TBCK: variants seen among roughly 807,000 people sequenced by gnomAD.
TBCK encodes the protein TBC1 domain containing kinase.
TBCK carries 99 observed loss-of-function variants against 113.4 expected under a neutral mutation model. The observed-to-expected ratio is 0.87, with a 90% CI of 0.74 to 1.03. The LOEUF (loss-of-function observed/expected upper bound fraction) is 1.03, where lower values mean the gene tolerates loss of function less well. Among genes scored for constraint, TBCK ranks in the 50% least tolerant of loss-of-function variants. The probability of loss-of-function intolerance (pLI) is 0.00; values close to 1 mark genes in which losing one functional copy is unlikely to be tolerated. For synonymous variants in TBCK, 369 were observed against 370.8 expected (o/e 1.00, Z 0.05); for missense variants, 1,045 against 1,061.3 (o/e 0.98, Z 0.21).
At chr4:106,260,647 TGTA>T (rs1211492683) in intron 4 of TBCK, 137 bp from the exon 5 acceptor site, 1 of 366,458 alleles carries the variant, frequency 2.7e-6, no homozygotes, top group Non-Finnish European at 4.9e-6. Context: ...AAAATGCCAC[TGTA>T]GATTTTAAAA....
chr4:106,127,206 C>CAAAAAAAAAAAAA, intron 23 of TBCK, among the ~76,000 whole-genome samples: 1 of 65,500 alleles, frequency 1.5e-5, no homozygotes, highest in Non-Finnish European at 3.1e-5. Context: ...GACTCCGTCT[C>CAAAAAAAAAAAAA]AAAAAAAAAA....
At chr4:106,210,087 C>A (rs558130417) in intron 20 of TBCK, among the ~76,000 whole-genome samples, 1 of 152,106 alleles carries the variant, frequency 6.6e-6, no homozygotes, top group South Asian at 2.1e-4. Flanking sequence ...ATTTACTGTC[C>A]TTTGTTCTAG....
intron 23 of TBCK, among the ~76,000 whole-genome samples, chr4:106,151,362 C>T (rs796473722): frequency 4.6e-5 from 7 of 152,152 alleles, no homozygotes; most frequent in African/African-American, 1.4e-4. Context: ...CCCACCCCCA[C>T]TACCCTTCCC....
At chr4:106,219,586 G>A (rs891172152) in intron 19 of TBCK, among the ~76,000 whole-genome samples, 3 of 151,728 alleles carry the variant, frequency 2.0e-5, no homozygotes, top group Admixed American at 6.6e-5. Context: ...ATTCTTGCCA[G>A]TTTACTCACT....
intron 3 of TBCK, among the ~76,000 whole-genome samples, chr4:106,282,579 C>A (rs1764712784): frequency 6.6e-6 from 1 of 151,924 alleles, no homozygotes; most frequent in South Asian, 2.1e-4. Flanking sequence ...CTGTATTCCA[C>A]AGGTTTTGGT....
intron 19 of TBCK, among the ~76,000 whole-genome samples, chr4:106,222,052 C>A (rs926834591): frequency 2.0e-5 from 3 of 151,962 alleles, no homozygotes; most frequent in Non-Finnish European, 4.4e-5. Flanking sequence ...GTTTTCTAAC[C>A]TACACATGAC....
rs565984017 is a variant in TBCK, at chr4:106,208,362, T to TA, written c.1860+4387_1860+4388insT. Among the ~76,000 whole-genome samples, 446 of 152,002 alleles carry TA rather than the reference T, an allele frequency of 2.9e-3. 1 individual carries two copies. Among genetic ancestry groups the TA allele is most frequent in the Admixed American group, 5.6e-3 (86 of 15,270 alleles). On this transcript the variant is annotated intron_variant, in intron 20 of 25. Coordinates refer to ENST00000394708, the MANE Select transcript of TBCK (RefSeq NM_001163435.3). ...TCACCTATTTTACATATACCTACCCTTCCCTAATTAGTTTTTTACACTGTT... is the reference window on the plus strand; with the variant it reads ...TCACCTATTTTACATATACCTACCCTATCCCTAATTAGTTTTTTACACTGTT...
In TBCK at chr4:106,193,600, G is replaced by C. The variant is rs1472909080; in HGVS notation, c.2059+9C>G. On this transcript the variant is annotated intron_variant, in intron 22 of 25. Coordinates refer to ENST00000394708, the MANE Select transcript of TBCK (RefSeq NM_001163435.3). ...TTCATTTAATGGCTCCATTTATTTAGATCTATACCTGGTAAATCGGAGAAG... is the reference window on the plus strand; with the variant it reads ...TTCATTTAATGGCTCCATTTATTTACATCTATACCTGGTAAATCGGAGAAG... 1 of 1,612,580 alleles carries C rather than the reference G, an allele frequency of 6.2e-7. No individual in the cohort carries two copies. Among genetic ancestry groups the C allele is most frequent in the Non-Finnish European group, 8.5e-7 (1 of 1,179,132 alleles).
At position 106,043,054 on chromosome 4, in the gene TBCK, T is replaced by C. The variant is rs952443244; in HGVS notation, c.*3516A>G. On this transcript the variant is annotated 3_prime_UTR_variant, in exon 26 of 26. Coordinates refer to ENST00000394708, the MANE Select transcript of TBCK (RefSeq NM_001163435.3). ...CTATTCCTATATGTATTCCAAAACC[T>C]GAGTTCTTGGGGCTTATATTGATAC... 7 of 152,190 alleles carry C rather than the reference T, an allele frequency of 4.6e-5. No individual in the cohort carries two copies. Among genetic ancestry groups the C allele is most frequent in the African/African-American group, 1.4e-4 (6 of 41,448 alleles). The allele number at this position is 152,190 out of a possible 1,614,324, so 9.4% of individuals were successfully genotyped here. A position where few individuals can be genotyped will look rare whatever the true frequency, so the allele number is the denominator to read the frequency against.
chr4:106,176,275 C>T (rs527355498), intron 22 of TBCK, among the ~76,000 whole-genome samples: 8 of 152,128 alleles, frequency 5.3e-5, no homozygotes, highest in African/African-American at 9.6e-5. Flanking sequence ...CTTATTCCTT[C>T]GGTCTAACTG....
At chr4:106,257,222 T>G (rs147918461) in intron 5 of TBCK, among the ~76,000 whole-genome samples, 229 of 152,322 alleles carry the variant, frequency 1.5e-3, no homozygotes, top group African/African-American at 5.4e-3. Flanking sequence ...TTTGCCATAC[T>G]TATTACATAT....
intron 23 of TBCK, among the ~76,000 whole-genome samples, chr4:106,126,803 T>C (rs548261942): frequency 5.9e-5 from 9 of 152,294 alleles, no homozygotes; most frequent in Admixed American, 2.0e-4. Flanking sequence ...AACACTAAAA[T>C]GTATGTCTGC....
intron 25 of TBCK, among the ~76,000 whole-genome samples, chr4:106,088,649 A>G (rs1284119235): frequency 1.3e-5 from 2 of 152,224 alleles, no homozygotes; most frequent in Non-Finnish European, 2.9e-5. Context: ...ATACTCATGT[A>G]TATTTATTGC....
chr4:106,153,044 T>C (rs1391879876), intron 23 of TBCK, among the ~76,000 whole-genome samples: 1 of 152,068 alleles, frequency 6.6e-6, no homozygotes, highest in African/African-American at 2.4e-5. Context: ...TCTTCTGTAC[T>C]GTTTTCTTCA....
At chr4:106,281,625 G>C (rs766338508) in intron 3 of TBCK, among the ~76,000 whole-genome samples, 35 of 152,178 alleles carry the variant, frequency 2.3e-4, no homozygotes, top group Middle Eastern at 3.4e-3. Flanking sequence ...CACCATGAAG[G>C]GTTGTGGAAT....
Position 106,041,960 on chromosome 4 carries a change from T to C in TBCK, c.*4610A>G, listed in dbSNP as rs1341497668. On this transcript the variant is annotated 3_prime_UTR_variant, in exon 26 of 26. Transcript: ENST00000394708. ...AATGTGTACTGTTTCTAATATTGTA[T>C]GAGATAAAACTGGATTACAAAACCT... The C allele has an allele frequency of 2.6e-5, 4 of 152,160 alleles. No homozygotes were observed. The highest frequency in any genetic ancestry group is 9.7e-5 in the African/African-American group (4 of 41,450). The allele number at this position is 152,160 out of a possible 1,614,324, so 9.4% of individuals were successfully genotyped here.
chr4:106,133,289 TA>T (rs909688169), intron 23 of TBCK, among the ~76,000 whole-genome samples: 1 of 152,204 alleles, frequency 6.6e-6, no homozygotes, highest in African/African-American at 2.4e-5. Flanking sequence ...GATGGTTTTA[TA>T]AATGGGAGTT....
At chr4:106,253,264 T>C (rs1761622709) in intron 5 of TBCK, among the ~76,000 whole-genome samples, 1 of 152,190 alleles carries the variant, frequency 6.6e-6, no homozygotes, top group African/African-American at 2.4e-5. Context: ...TTTTGCTCTT[T>C]CAATCAAGAT....
intron 3 of TBCK, among the ~76,000 whole-genome samples, chr4:106,294,042 T>A (rs1001404280): frequency 8.5e-5 from 13 of 152,208 alleles, no homozygotes; most frequent in African/African-American, 3.1e-4. Context: ...TTTGAAATAA[T>A]TGCATTTAAA....
Sources: gnomAD v4.1 joint callset for allele counts (sites outside exome capture counted in the v4.1 genomes callset) on GRCh38, gnomAD v4.1.1 for gene constraint, MANE v1.5 for transcripts, NCBI Gene and HGNC (gene_info 2026-07-23, HGNC 2026-07-21) for gene names.